ATG7: variants seen among roughly 807,000 people sequenced by gnomAD.
ATG7 encodes the protein ubiquitin-like modifier-activating enzyme ATG7.
A neutral mutation model predicts 82.4 loss-of-function variants in ATG7; 70 were observed. The ratio of observed to expected loss-of-function variants is 0.85; its 90% CI spans 0.70 to 1.04. The LOEUF (loss-of-function observed/expected upper bound fraction) is 1.04. Among genes scored for constraint, ATG7 ranks in the 50% least tolerant of loss-of-function variants. ATG7 has a pLI of 0.00. For synonymous variants in ATG7, 287 were observed against 313.0 expected, an observed-to-expected ratio of 0.92 and a Z score of 0.88; for missense variants, 792 against 864.3, an observed-to-expected ratio of 0.92 and a Z score of 1.05.
At chr3:11,498,084 C>G (rs536360601) in intron 20 of ATG7, among the ~76,000 whole-genome samples, 1 of 152,274 alleles carries the variant, frequency 6.6e-6, no homozygotes, top group Admixed American at 6.5e-5. Flanking sequence ...AATTCAACCC[C>G]AGTTAAATCC....
chr3:11,423,955 G>A (rs2082150401), intron 19 of ATG7, among the ~76,000 whole-genome samples: 1 of 152,102 alleles, frequency 6.6e-6, no homozygotes, highest in African/African-American at 2.4e-5. Context: ...CTGTTTAAAT[G>A]TGCCAGTCAA....
chr3:11,390,312 T>C (rs892043881), intron 19 of ATG7, among the ~76,000 whole-genome samples: 2 of 152,244 alleles, frequency 1.3e-5, no homozygotes, highest in Non-Finnish European at 2.9e-5. Context: ...AATAGACTAA[T>C]GTCTGAGTAA....
intron 20 of ATG7, among the ~76,000 whole-genome samples, chr3:11,433,663 A>G (rs2083113233): frequency 6.6e-6 from 1 of 152,212 alleles, no homozygotes; most frequent in Non-Finnish European, 1.5e-5. Context: ...TGCACGTTCC[A>G]TGATTCCAGG....
chr3:11,512,634 G>C (rs2454486), intron 20 of ATG7, among the ~76,000 whole-genome samples: 4 of 152,004 alleles, frequency 2.6e-5, no homozygotes, highest in African/African-American at 9.7e-5. Flanking sequence ...TCGTGGTCTC[G>C]CTGGCTTCAG....
chr3:11,559,775 CAG>C (rs574597861), downstream of ATG7, among the ~76,000 whole-genome samples: 5 of 152,320 alleles, frequency 3.3e-5, no homozygotes, highest in East Asian at 7.7e-4. Flanking sequence ...CTGTGGAGGA[CAG>C]AGGGTTGCAG....
At chr3:11,370,479 C>A (rs1172892103) in intron 18 of ATG7, among the ~76,000 whole-genome samples, 5 of 151,224 alleles carry the variant, frequency 3.3e-5, no homozygotes, top group African/African-American at 1.2e-4. Flanking sequence ...TTTCAGCATC[C>A]AAGATCGATC....
intron 20 of ATG7, among the ~76,000 whole-genome samples, chr3:11,466,353 T>A (rs923536556): frequency 3.3e-5 from 5 of 152,262 alleles, no homozygotes; most frequent in African/African-American, 1.2e-4. Flanking sequence ...AATTCTAGAA[T>A]GCTTAGCTGC....
At chr3:11,514,461 C>T (rs2442797) in intron 20 of ATG7, among the ~76,000 whole-genome samples, 130,525 of 152,248 alleles carry the variant, frequency 0.86, 56,370 homozygotes, top group East Asian at 1. Context: ...ATTTTCCCAC[C>T]GGGAGAGGGA....
intron 18 of ATG7, among the ~76,000 whole-genome samples, chr3:11,370,663 T>C (rs2076934059): frequency 6.6e-6 from 1 of 151,146 alleles, no homozygotes; most frequent in Non-Finnish European, 1.5e-5. Context: ...CATCGAGGCC[T>C]GGGTCTGAAG....
the ATG7 span, among the ~76,000 whole-genome samples, chr3:11,571,016 G>A: frequency 6.6e-6 from 1 of 152,216 alleles, no homozygotes; most frequent in Admixed American, 6.5e-5. Flanking sequence ...GGTTGCAAAG[G>A]AAGGCCTGGG....
chr3:11,278,651 TATTC>T (rs1366738722), intron 1 of ATG7, among the ~76,000 whole-genome samples: 1 of 152,220 alleles, frequency 6.6e-6, no homozygotes, highest in Non-Finnish European at 1.5e-5. Flanking sequence ...AATTTTTATT[TATTC>T]ATTCTTTGTT....
At chr3:11,426,385 A>G (rs1165917174) in intron 19 of ATG7, among the ~76,000 whole-genome samples, 2 of 152,198 alleles carry the variant, frequency 1.3e-5, no homozygotes, top group Non-Finnish European at 2.9e-5. Context: ...TTTTAAAAAT[A>G]TATTTGGCTA....
chr3:11,280,728 G>C (rs560560945), intron 1 of ATG7, among the ~76,000 whole-genome samples: 4 of 152,266 alleles, frequency 2.6e-5, no homozygotes, highest in African/African-American at 9.6e-5. Flanking sequence ...GTAAAATATG[G>C]TAATAAGAAT....
At chr3:11,359,732 C>T (rs562060465) in intron 15 of ATG7, among the ~76,000 whole-genome samples, 4 of 148,616 alleles carry the variant, frequency 2.7e-5, no homozygotes, top group African/African-American at 7.4e-5. Context: ...CAAAAAAAAA[C>T]CAACTATGCG....
intron 20 of ATG7, among the ~76,000 whole-genome samples, chr3:11,483,988 A>G (rs2089320779): frequency 6.6e-6 from 1 of 152,194 alleles, no homozygotes; most frequent in Admixed American, 6.5e-5. Context: ...GCACTCTTTG[A>G]TATAGGGTAG....
intron 20 of ATG7, among the ~76,000 whole-genome samples, chr3:11,542,006 C>A (rs993717695): frequency 9.2e-5 from 14 of 152,242 alleles, no homozygotes; most frequent in African/African-American, 3.1e-4. Context: ...TGTTTCGAAG[C>A]CTGGAAAAAG....
rs1485913351 is a variant in ATG7 at position 11,315,419 on chromosome 3, A to G, written c.604A>G (p.Lys202Glu). The G allele has an allele frequency of 1.2e-5, 19 of 1,612,738 alleles. No individual in the cohort carries two copies. The highest frequency in any genetic ancestry group is 2.2e-5 in the East Asian group (1 of 44,846). Residue 202 changes from lysine to glutamate, a missense_variant, in exon 9 of 21, where the codon AAG becomes GAG. Transcript: ENST00000693202. ...GVTALPYFLI[K>E]YDENMVLVSL... ...CACAGCTCTTCCTTACTTCTTAATC[A>G]AGTATGATGAGAACATGGTGCTGGT...
At chr3:11,530,594 A>G (rs1204091150) in intron 20 of ATG7, among the ~76,000 whole-genome samples, 1 of 151,982 alleles carries the variant, frequency 6.6e-6, no homozygotes, top group Non-Finnish European at 1.5e-5. Context: ...TCTGAGACCA[A>G]CCGCTGTTGC....
chr3:11,369,430 A>T (rs2076850624), intron 18 of ATG7, among the ~76,000 whole-genome samples: 1 of 150,988 alleles, frequency 6.6e-6, no homozygotes, highest in Non-Finnish European at 1.5e-5. Context: ...CCCTCCAGCC[A>T]TCCCCTCAAC....
Sources: gnomAD v4.1 joint callset for allele counts (sites outside exome capture counted in the v4.1 genomes callset) on GRCh38, gnomAD v4.1.1 for gene constraint, MANE v1.5 for transcripts, NCBI Gene and HGNC (gene_info 2026-07-23, HGNC 2026-07-21) for gene names.